FGF13: variants seen among roughly 807,000 people sequenced by gnomAD.
The protein encoded by FGF13 is fibroblast growth factor homologous factor 2.
FGF13 carries 2 observed loss-of-function variants against 19.5 expected under a neutral mutation model. The ratio of observed to expected loss-of-function variants is 0.10; its 90% CI spans 0.04 to 0.32. The LOEUF is 0.32. Ranked by LOEUF, FGF13 falls within the 10% of genes least tolerant of loss-of-function variation. The pLI is 1.00. For missense variants in FGF13, 113 were observed against 192.7 expected, an observed-to-expected ratio of 0.59 and a Z score of 2.45; for synonymous variants, 72 against 76.9, an observed-to-expected ratio of 0.94 and a Z score of 0.33.
chrX:138,763,136 C>T (rs904427600), intron 3 of FGF13, among the ~76,000 whole-genome samples: 1 of 110,248 alleles, frequency 9.1e-6, no homozygotes, highest in African/African-American at 3.3e-5. Flanking sequence ...ATCATATACA[C>T]CAAGATAATA....
chrX:139,031,234 C>T (rs1319958815), intron 1 of FGF13, among the ~76,000 whole-genome samples: 2 of 111,056 alleles, frequency 1.8e-5, no homozygotes, highest in African/African-American at 6.5e-5. Context: ...AATAATTTCC[C>T]AAGATTCTAT....
intron 1 of FGF13, among the ~76,000 whole-genome samples, chrX:138,867,303 T>A (rs1269679773): frequency 2.7e-5 from 3 of 111,080 alleles, no homozygotes; most frequent in Non-Finnish European, 5.7e-5. Context: ...CCTGTAGTCA[T>A]GGCTACTCAG....
intron 1 of FGF13, among the ~76,000 whole-genome samples, chrX:138,975,754 G>A (rs910896356): frequency 1.8e-5 from 2 of 111,211 alleles, no homozygotes; most frequent in African/African-American, 6.5e-5. Context: ...GGGCTGCAGG[G>A]GAACAAAATA....
intron 1 of FGF13, among the ~76,000 whole-genome samples, chrX:138,912,259 T>C (rs763943597): frequency 2.7e-5 from 3 of 111,819 alleles, no homozygotes; most frequent in Admixed American, 9.5e-5. Flanking sequence ...GCTATAATGT[T>C]TCCATGGCAA....
chrX:138,817,011 C>A (rs1271142442), intron 3 of FGF13, among the ~76,000 whole-genome samples: 3 of 112,002 alleles, frequency 2.7e-5, no homozygotes, highest in Non-Finnish European at 5.6e-5. Context: ...GAATATTTTA[C>A]AAATCATTAA....
rs1425057120 is a variant in FGF13, at chrX:138,618,452, G to A, written c.*14398C>T. The A allele has an allele frequency of 9.0e-6, 1 of 111,596 alleles. No homozygotes were observed. The highest frequency in any genetic ancestry group is 1.9e-5 in the Non-Finnish European group (1 of 53,170). 9.2% of individuals were successfully genotyped at this position (111,596 alleles called of 1,213,427 possible). On this transcript the variant is annotated 3_prime_UTR_variant, in exon 5 of 5. Transcript: ENST00000315930. ...CTGAGTGACTGAGAGGCTGTGAGCAGGGAACAGCGGTAGGGGCTCACAGCA... is the reference window on the plus strand; with the variant it reads ...CTGAGTGACTGAGAGGCTGTGAGCAAGGAACAGCGGTAGGGGCTCACAGCA...
At chrX:138,703,674 G>GA (rs1468276320) in intron 2 of FGF13, among the ~76,000 whole-genome samples, 76 of 112,044 alleles carry the variant, frequency 6.8e-4, no homozygotes, top group African/African-American at 2.0e-3. Context: ...CTTGTAAAAA[G>GA]AAAAAGTCAT....
At chrX:139,128,447 T>C (rs2083734453) in intron 1 of FGF13, among the ~76,000 whole-genome samples, 3 of 112,217 alleles carry the variant, frequency 2.7e-5, no homozygotes, top group South Asian at 7.5e-4. Context: ...TTGAGGCTAA[T>C]TGTTCTCCCC....
chrX:138,731,295 G>T (rs2090228730), intron 1 of FGF13, among the ~76,000 whole-genome samples: 1 of 110,303 alleles, frequency 9.1e-6, no homozygotes, highest in South Asian at 3.8e-4. Context: ...TAAACCATAA[G>T]CTGAGCCATA....
rs576716278 is a variant in FGF13 at position 138,737,956 on chromosome X, T to C, written c.28+1286A>G. On this transcript the variant is annotated intron_variant, in intron 1 of 4. Transcript: ENST00000305414. The stretch of plus-strand genomic sequence containing the variant: ...AATCTCACAAATTCTGTAACGATTT[T>C]CATCACTAATATTGCCCTTGATGTA... 2.4e-3 allele frequency among the ~76,000 whole-genome samples: 267 copies of C among 112,637 alleles called. 1 individual carries two copies. Among genetic ancestry groups the C allele is most frequent in the Middle Eastern group, 0.014 (3 of 217 alleles).
At chrX:138,905,485 A>C in intron 1 of FGF13, among the ~76,000 whole-genome samples, 1 of 111,820 alleles carries the variant, frequency 8.9e-6, no homozygotes, top group Non-Finnish European at 1.9e-5. Context: ...GGGAGACCCC[A>C]GAAGGCAATA....
intron 1 of FGF13, among the ~76,000 whole-genome samples, chrX:139,076,729 C>G (rs780970223): frequency 8.9e-6 from 1 of 112,204 alleles, no homozygotes; most frequent in East Asian, 2.8e-4. Context: ...AGGCTGGAAT[C>G]TGGCTATCAC....
At chrX:138,982,323 T>TC (rs1457048349) in intron 1 of FGF13, among the ~76,000 whole-genome samples, 1 of 111,763 alleles carries the variant, frequency 8.9e-6, no homozygotes, top group African/African-American at 3.3e-5. Context: ...GTATTTTTTT[T>TC]CTCTGATTTC....
chrX:138,638,783 C>T (rs1407612328), intron 3 of FGF13, among the ~76,000 whole-genome samples: 2 of 112,019 alleles, frequency 1.8e-5, no homozygotes, highest in Non-Finnish European at 3.8e-5. Context: ...GAGGCTGTCA[C>T]TGCATGGACA....
At chrX:139,136,685 C>T (rs1363794568) in intron 1 of FGF13, among the ~76,000 whole-genome samples, 1 of 112,030 alleles carries the variant, frequency 8.9e-6, no homozygotes, top group African/African-American at 3.2e-5. Flanking sequence ...ATGCTAAATT[C>T]TCACAGCAAC....
chrX:138,968,557 C>T (rs903637509), intron 1 of FGF13, among the ~76,000 whole-genome samples: 2 of 112,096 alleles, frequency 1.8e-5, no homozygotes, highest in Admixed American at 1.9e-4. Flanking sequence ...AGTGCTACAA[C>T]AGTGCCAAGT....
chrX:138,798,476 G>A (rs190403225), intron 3 of FGF13, among the ~76,000 whole-genome samples: 1 of 111,851 alleles, frequency 8.9e-6, no homozygotes, highest in East Asian at 2.8e-4. Context: ...GTATTTGATT[G>A]AGGAATTTCA....
At chrX:138,642,432 G>A (rs143770279) in intron 3 of FGF13, among the ~76,000 whole-genome samples, 1,558 of 111,491 alleles carry the variant, frequency 0.014, 29 homozygotes, top group African/African-American at 0.048. Flanking sequence ...AAATCTACCA[G>A]TTCTGCTGAT....
chrX:139,137,365 C>T (rs780247552), intron 1 of FGF13, among the ~76,000 whole-genome samples: 3 of 112,241 alleles, frequency 2.7e-5, no homozygotes, highest in South Asian at 3.7e-4. Context: ...CACATACCAA[C>T]CAAATTTCCA....
Sources: gnomAD v4.1 joint callset for allele counts (sites outside exome capture counted in the v4.1 genomes callset) on GRCh38, gnomAD v4.1.1 for gene constraint, MANE v1.5 for transcripts, NCBI Gene and HGNC (gene_info 2026-07-23, HGNC 2026-07-21) for gene names.